The following NOS1 variants were observed in gnomAD, a reference collection of about 807,000 sequenced individuals.
NOS1 encodes the protein nitric oxide synthase 1.
In NOS1, 51 loss-of-function variants were observed where a neutral mutation model predicts 164.5. The ratio of observed to expected loss-of-function variants is 0.31; its 90% CI spans 0.25 to 0.39. The LOEUF (loss-of-function observed/expected upper bound fraction) is 0.39. Ranked by LOEUF, NOS1 falls within the 10% of genes least tolerant of loss-of-function variation. The pLI, the probability that NOS1 is intolerant of heterozygous loss-of-function variation, is 1.00. For synonymous variants in NOS1, 719 were observed against 745.8 expected (o/e 0.96, Z 0.59); for missense variants, 1,362 against 1,885.6 (o/e 0.72, Z 5.14).
rs1301609295 is a variant in NOS1, at chr12:117,208,240, G to T, written c.*7069C>A. On this transcript the variant is annotated 3_prime_UTR_variant, in exon 29 of 29. Coordinates refer to ENST00000317775, the MANE Select transcript of NOS1 (RefSeq NM_000620.5). ...GGAAGATGAGAACTATACAGAAGAAGAGCATGCGACAAACACAGCCTGGAC... is the reference window on the plus strand; with the variant it reads ...GGAAGATGAGAACTATACAGAAGAATAGCATGCGACAAACACAGCCTGGAC... 7.9e-7 allele frequency: 1 copy of T among 1,260,396 alleles called. No individual in the cohort carries two copies. The highest frequency in any genetic ancestry group is 1.5e-5 in the African/African-American group (1 of 65,052). The allele number at this position is 1,260,396 out of a possible 1,614,324, so 78.1% of individuals were successfully genotyped here. A position where few individuals can be genotyped will look rare whatever the true frequency, so the allele number is the denominator to read the frequency against.
At chr12:117,233,668 T>C (rs1869451192) in intron 21 of NOS1, among the ~76,000 whole-genome samples, 1 of 151,454 alleles carries the variant, frequency 6.6e-6, no homozygotes, top group African/African-American at 2.4e-5. Flanking sequence ...ATTAGCTGGG[T>C]GTGGTGGCAC....
chr12:117,347,682 C>T (rs1036018347), intron 1 of NOS1, among the ~76,000 whole-genome samples: 1 of 152,154 alleles, frequency 6.6e-6, no homozygotes, highest in African/African-American at 2.4e-5. Flanking sequence ...CCAGTCGATC[C>T]AGGTGTTTGA....
intron 2 of NOS1, among the ~76,000 whole-genome samples, chr12:117,324,546 A>G (rs1031133503): frequency 1.2e-4 from 19 of 152,178 alleles, no homozygotes; most frequent in African/African-American, 2.7e-4. Flanking sequence ...CCTGGGCAAC[A>G]TGATGAAACC....
intron 16 of NOS1, chr12:117,256,178 G>A (rs1408933783): frequency 5.0e-5 from 22 of 437,754 alleles, no homozygotes; most frequent in Non-Finnish European, 8.5e-5. Flanking sequence ...GGCGTAGAAC[G>A]AGGGCTGACC....
chr12:117,220,367 G>T, intron 26 of NOS1, 98 bp from the exon 27 acceptor site: 1 of 1,209,352 alleles, frequency 8.3e-7, no homozygotes, highest in Non-Finnish European at 1.2e-6. Context: ...TCAGGGGCTT[G>T]TGGGCAGGTA....
At chr12:117,341,040 C>T (rs1876087713) in intron 1 of NOS1, among the ~76,000 whole-genome samples, 1 of 151,976 alleles carries the variant, frequency 6.6e-6, no homozygotes. Context: ...TTAACGTTTT[C>T]TATGTTATTA....
Position 117,282,310 on chromosome 12 carries a change from C to T in NOS1, c.1383-1444G>A, listed in dbSNP as rs573437892. Among the ~76,000 whole-genome samples, 78 of 152,286 alleles carry T rather than the reference C, an allele frequency of 5.1e-4. No individual in the cohort carries two copies. The South Asian group carries it at 0.016, about 31-fold the overall frequency. On this transcript the variant is annotated intron_variant, in intron 7 of 28. Coordinates refer to ENST00000317775, the MANE Select transcript of NOS1 (RefSeq NM_000620.5). ...CTTGCCAGCTGGATTCGCTGGCCCCCCATCCCAGGCTATGGAAACATGGTC... is the reference window on the plus strand; with the variant it reads ...CTTGCCAGCTGGATTCGCTGGCCCCTCATCCCAGGCTATGGAAACATGGTC...
intron 11 of NOS1, among the ~76,000 whole-genome samples, 177 bp downstream of exon 11, chr12:117,267,866 C>A (rs760306925): frequency 1.3e-5 from 2 of 149,190 alleles, no homozygotes; most frequent in African/African-American, 2.5e-5. Flanking sequence ...TGGTCCCCAC[C>A]CAAGATCCAC....
At chr12:117,294,312 G>T (rs542140982) in intron 3 of NOS1, among the ~76,000 whole-genome samples, 2 of 152,228 alleles carry the variant, frequency 1.3e-5, no homozygotes, top group East Asian at 3.9e-4. Context: ...GCCTGTGGGC[G>T]GCAGCCGACA....
At chr12:117,310,844 G>C (rs189835931) in intron 3 of NOS1, among the ~76,000 whole-genome samples, 3 of 152,108 alleles carry the variant, frequency 2.0e-5, no homozygotes, top group Admixed American at 2.0e-4. Context: ...AAAAGAGATA[G>C]GGTCTCGCTA....
intron 2 of NOS1, 119 bp from the exon 3 acceptor site, chr12:117,311,711 T>G (rs1874443003): frequency 8.9e-7 from 1 of 1,119,592 alleles, no homozygotes; most frequent in Non-Finnish European, 1.2e-6. Context: ...TAACTCCATA[T>G]GAGCCAGCGA....
At chr12:117,334,016 A>G (rs924875325) in intron 1 of NOS1, among the ~76,000 whole-genome samples, 2 of 152,220 alleles carry the variant, frequency 1.3e-5, no homozygotes, top group African/African-American at 2.4e-5. Context: ...TTGGGGAGGC[A>G]AGGCCCCCAA....
At chr12:117,319,120 T>C (rs1874795452) in intron 2 of NOS1, among the ~76,000 whole-genome samples, 1 of 152,226 alleles carries the variant, frequency 6.6e-6, no homozygotes, top group African/African-American at 2.4e-5. Flanking sequence ...GGCATGATCA[T>C]AGCTCAATGC....
chr12:117,283,056 AT>A (rs201451951), intron 7 of NOS1, among the ~76,000 whole-genome samples: 29,455 of 90,720 alleles, frequency 0.32, 2,840 homozygotes, highest in Non-Finnish European at 0.4. Context: ...ATATATATAT[AT>A]TTTTTTTTTT....
In NOS1 at chr12:117,213,730, G is replaced by A. The variant is rs2135912607; in HGVS notation, c.*1579C>T. 3 of 985,416 alleles carry A rather than the reference G, an allele frequency of 3.0e-6. No individual in the cohort carries two copies. Among genetic ancestry groups the A allele is most frequent in the Non-Finnish European group, 3.6e-6 (3 of 829,946 alleles). 61.0% of individuals were successfully genotyped at this position (985,416 alleles called of 1,614,324 possible). On this transcript the variant is annotated 3_prime_UTR_variant, in exon 29 of 29. Coordinates refer to ENST00000317775, the MANE Select transcript of NOS1 (RefSeq NM_000620.5). ...ATAGCAAGACACAACAAACAGGGTA[G>A]AACCAGCAGAACATTCCCTTTCCAT... is the stretch of plus-strand genomic sequence containing the variant.
rs182323852 is a variant in NOS1 at position 117,267,248 on chromosome 12, C to A, written c.1941+795G>T. Among the ~76,000 whole-genome samples, 255 of 152,302 alleles carry A rather than the reference C, an allele frequency of 1.7e-3. 1 individual carries two copies. Among genetic ancestry groups the A allele is most frequent in the African/African-American group, 5.4e-3 (225 of 41,562 alleles). ...TTGGCCCAGGAGAATCCTAGTGATGCCCATTGTCCTGGCATAGTTATTACT... is the reference window on the plus strand; with the variant it reads ...TTGGCCCAGGAGAATCCTAGTGATGACCATTGTCCTGGCATAGTTATTACT... On this transcript the variant is annotated intron_variant, in intron 11 of 28. Transcript: ENST00000317775.
intron 7 of NOS1, among the ~76,000 whole-genome samples, chr12:117,284,337 G>A (rs1873929395): frequency 6.6e-6 from 1 of 152,142 alleles, no homozygotes; most frequent in Admixed American, 6.6e-5. Flanking sequence ...ATTTCCACCT[G>A]TCCCTCTCCC....
chr12:117,242,655 G>C lies in NOS1; in HGVS notation c.3013C>G (p.Arg1005Gly). 1.9e-6 allele frequency: 3 copies of C among 1,614,156 alleles called. No individual in the cohort carries two copies. In the East Asian group the frequency reaches 6.7e-5, roughly 36 times the overall value. Residue 1005 changes from arginine to glycine, a missense_variant, in exon 20 of 29, where the codon CGT (arginine) becomes GGT (glycine). By Grantham distance (125) the Arg-to-Gly change is moderately radical. Coordinates refer to ENST00000317775, the MANE Select transcript of NOS1 (RefSeq NM_000620.5). Reference sequence around the variant, plus strand: ...GATTTAGGGCTCTGGAGGTTTTGACGGCTAAGGAGCCGGGCAGCTGAGACT... The same window carrying C: ...GATTTAGGGCTCTGGAGGTTTTGACCGCTAAGGAGCCGGGCAGCTGAGACT... Reference protein sequence around the residue: ...KRVSAARLLSRQNLQSPKSSR... With the variant: ...KRVSAARLLSGQNLQSPKSSR...
At chr12:117,283,113 T>G (rs962837447) in intron 7 of NOS1, among the ~76,000 whole-genome samples, 1 of 148,546 alleles carries the variant, frequency 6.7e-6, no homozygotes, top group Non-Finnish European at 1.5e-5. Flanking sequence ...GAGTGTGGAG[T>G]GCAGTGGTGC....
Sources: gnomAD v4.1 joint callset for allele counts (sites outside exome capture counted in the v4.1 genomes callset) on GRCh38, gnomAD v4.1.1 for gene constraint, MANE v1.5 for transcripts, NCBI Gene and HGNC (gene_info 2026-07-23, HGNC 2026-07-21) for gene names.